The following STPG2 variants were observed in gnomAD, a reference collection of about 807,000 sequenced individuals.
The protein encoded by STPG2 is sperm-tail PG-rich repeat-containing protein 2.
Under a neutral mutation model 54.2 loss-of-function variants are expected in STPG2, and 56 were observed. The ratio of observed to expected loss-of-function variants is 1.03; its 90% CI spans 0.83 to 1.29. The LOEUF is 1.29. Ranked by LOEUF, STPG2 falls within the 50% of genes most tolerant of loss-of-function variation. The pLI is 0.00. For missense variants in STPG2, 596 were observed against 544.9 expected (o/e 1.09, Z -0.93); for synonymous variants, 200 against 181.8 (o/e 1.10, Z -0.81).
At chr4:98,114,451 T>C (rs1739450665) in intron 3 of STPG2, among the ~76,000 whole-genome samples, 2 of 152,080 alleles carry the variant, frequency 1.3e-5, no homozygotes, top group African/African-American at 4.8e-5. Flanking sequence ...AATATGTTGA[T>C]TTACTATAGC....
At chr4:97,717,135 A>T (rs1012040599) in intron 9 of STPG2, among the ~76,000 whole-genome samples, 4 of 152,180 alleles carry the variant, frequency 2.6e-5, no homozygotes, top group African/African-American at 9.7e-5. Context: ...ATGGCACTTC[A>T]GATGACCATA....
At chr4:98,009,807 G>T (rs1202928666) in intron 5 of STPG2, among the ~76,000 whole-genome samples, 1 of 151,902 alleles carries the variant, frequency 6.6e-6, no homozygotes, top group Non-Finnish European at 1.5e-5. Flanking sequence ...TTGATGAGTT[G>T]GCCCCTTTAT....
intron 9 of STPG2, among the ~76,000 whole-genome samples, chr4:97,767,348 G>C (rs937790623): frequency 1.3e-5 from 2 of 152,004 alleles, no homozygotes; most frequent in African/African-American, 4.8e-5. Flanking sequence ...TCCCATCCTT[G>C]CTAATTTTTT....
chr4:97,640,040 A>C lies in STPG2; in HGVS notation c.1320+72659T>G, dbSNP rs185123275. Among the ~76,000 whole-genome samples the C allele has an allele frequency of 4.1e-3, 627 of 152,194 alleles. 3 individuals are homozygous for C. The highest frequency in any genetic ancestry group is 0.02 in the South Asian group (97 of 4,826). On this transcript the variant is annotated intron_variant, in intron 10 of 10. Transcript: ENST00000295268. The stretch of plus-strand genomic sequence containing the variant: ...GTACAAGAGATAAATATAATGTAAA[A>C]ATAAAAAATGGTTATTTAGGGTTTA...
intron 7 of STPG2, among the ~76,000 whole-genome samples, chr4:97,954,230 G>C (rs1044520096): frequency 6.6e-6 from 1 of 152,170 alleles, no homozygotes; most frequent in Non-Finnish European, 1.5e-5. Context: ...TATTTTTAAA[G>C]ACCTCATTGA....
intron 2 of STPG2, among the ~76,000 whole-genome samples, chr4:98,129,085 C>A (rs1426825337): frequency 1.3e-5 from 2 of 152,180 alleles, no homozygotes. Flanking sequence ...TCTGTTGCTT[C>A]ACCTTTAAAC....
At chr4:97,531,174 A>G (rs1330690793) in intron 4 of STPG2, among the ~76,000 whole-genome samples, 2 of 152,208 alleles carry the variant, frequency 1.3e-5, no homozygotes, top group African/African-American at 2.4e-5. Context: ...CATCCCAGTT[A>G]AAATGGCTTT....
intron 4 of STPG2, among the ~76,000 whole-genome samples, chr4:97,444,838 G>T (rs1322759172): frequency 6.6e-6 from 1 of 152,098 alleles, no homozygotes; most frequent in Non-Finnish European, 1.5e-5. Context: ...GACCATCCTG[G>T]CTAACATCGT....
chr4:97,688,356 G>A (rs1338606412), intron 10 of STPG2, among the ~76,000 whole-genome samples: 1 of 151,944 alleles, frequency 6.6e-6, no homozygotes, highest in Non-Finnish European at 1.5e-5. Context: ...TGATAATGAT[G>A]CCAAGGTTTT....
At chr4:98,023,603 T>A (rs10017441) in intron 5 of STPG2, among the ~76,000 whole-genome samples, 11,563 of 152,196 alleles carry the variant, frequency 0.076, 490 homozygotes, top group African/African-American at 0.1. Flanking sequence ...ACTGCTGTCT[T>A]TTTGTTTGTC....
intron 4 of STPG2, among the ~76,000 whole-genome samples, chr4:97,550,159 A>C (rs1731932179): frequency 6.6e-6 from 1 of 152,178 alleles, no homozygotes; most frequent in Admixed American, 6.5e-5. Flanking sequence ...TCTAAATGAT[A>C]CTTTTAAATG....
intron 8 of STPG2, among the ~76,000 whole-genome samples, chr4:97,915,169 A>G (rs57314525): frequency 0.012 from 1,801 of 152,242 alleles, 39 homozygotes; most frequent in African/African-American, 0.041. Flanking sequence ...ACTAAGGGTA[A>G]CTCACTATGG....
intron 9 of STPG2, among the ~76,000 whole-genome samples, chr4:97,825,998 AG>A (rs1295549614): frequency 2.6e-5 from 4 of 152,180 alleles, no homozygotes; most frequent in African/African-American, 9.6e-5. Context: ...CAGTTTACTT[AG>A]TTTGGAGCAT....
chr4:97,535,685 T>C (rs1347530382), intron 4 of STPG2, among the ~76,000 whole-genome samples: 1 of 152,196 alleles, frequency 6.6e-6, no homozygotes, highest in African/African-American at 2.4e-5. Flanking sequence ...CTCTTTTACA[T>C]TGATTAAAAT....
intron 9 of STPG2, among the ~76,000 whole-genome samples, chr4:97,788,216 C>A (rs2149078076): frequency 6.6e-6 from 1 of 152,150 alleles, no homozygotes; most frequent in South Asian, 2.1e-4. Flanking sequence ...CCCCGCTTCC[C>A]CTATGACCCA....
intron 5 of STPG2, among the ~76,000 whole-genome samples, chr4:98,087,842 G>C (rs184049841): frequency 8.5e-5 from 13 of 152,314 alleles, no homozygotes; most frequent in Non-Finnish European, 1.6e-4. Context: ...TTACAGGCGT[G>C]AGCCACCGTG....
chr4:98,019,313 G>A (rs976091875), intron 5 of STPG2, among the ~76,000 whole-genome samples: 1 of 152,154 alleles, frequency 6.6e-6, no homozygotes, highest in Non-Finnish European at 1.5e-5. Context: ...GTTTGTCAAA[G>A]ATCAGGTAGT....
chr4:97,902,282 A>G (rs1020471237), intron 8 of STPG2, among the ~76,000 whole-genome samples: 23 of 152,134 alleles, frequency 1.5e-4, no homozygotes, highest in African/African-American at 5.3e-4. Flanking sequence ...CACAGGCAAC[A>G]AAAGCAAAAT....
intron 10 of STPG2, among the ~76,000 whole-genome samples, chr4:97,676,595 GA>G (rs1722859180): frequency 7.3e-6 from 1 of 137,724 alleles, no homozygotes; most frequent in African/African-American, 2.6e-5. Flanking sequence ...GGGAGGGAGG[GA>G]GGGGGGATGG....
Sources: allele counts gnomAD v4.1 joint callset (sites outside exome capture counted in the v4.1 genomes callset), GRCh38; gene constraint gnomAD v4.1.1; transcripts MANE v1.5; gene names NCBI Gene and HGNC (gene_info 2026-07-23, HGNC 2026-07-21).